The following SNED1 variants were observed in gnomAD, a reference collection of about 807,000 sequenced individuals.
SNED1 encodes sushi, nidogen and EGF-like domain-containing protein 1.
Under a neutral mutation model 166.7 loss-of-function variants are expected in SNED1, and 81 were observed. The ratio of observed to expected loss-of-function variants is 0.49; its 90% CI spans 0.41 to 0.58. The LOEUF is 0.58. Ranked by LOEUF, SNED1 falls within the 20% of genes least tolerant of loss-of-function variation. SNED1 has a pLI of 0.00. For missense variants in SNED1, 1,604 were observed against 2,000.2 expected (o/e 0.80, Z 3.78); for synonymous variants, 762 against 822.0 (o/e 0.93, Z 1.25).
chr2:241,042,843 GAA>G (rs1160123813), intron 8 of SNED1, among the ~76,000 whole-genome samples: 1 of 152,182 alleles, frequency 6.6e-6, no homozygotes, highest in Non-Finnish European at 1.5e-5. Flanking sequence ...AAAAGAAAAA[GAA>G]GAGATCTTCA....
chr2:241,039,952 G>A, intron 6 of SNED1, 123 bp from the exon 7 acceptor site: 1 of 771,930 alleles, frequency 1.3e-6, no homozygotes, highest in Admixed American at 2.4e-5. Flanking sequence ...AAACCTGCCT[G>A]CCAGGCCCCC....
chr2:241,069,866 G>A lies in SNED1; in HGVS notation c.3308-54G>A. Reference sequence around the variant, plus strand: ...TGTCCGGTTCTCAAACCGTGTTCTTGCCAGAAGACCCTGTGGGCACCCCCT... The same window carrying A: ...TGTCCGGTTCTCAAACCGTGTTCTTACCAGAAGACCCTGTGGGCACCCCCT... On this transcript the variant is annotated intron_variant, in intron 23 of 31. Coordinates refer to ENST00000310397, the MANE Select transcript of SNED1 (RefSeq NM_001080437.3). The surrounding 1 kb of genome is among the most constrained non-coding windows in gnomAD (Gnocchi z 4.9). The A allele has an allele frequency of 1.3e-6, 2 of 1,576,382 alleles. No homozygotes were observed. The highest frequency in any genetic ancestry group is 1.7e-6 in the Non-Finnish European group (2 of 1,161,786).
At chr2:241,048,464 C>T in intron 9 of SNED1, 24 bp downstream of exon 9, 1 of 1,577,948 alleles carries the variant, frequency 6.3e-7, no homozygotes, top group Admixed American at 1.8e-5. Context: ...GCAAGGGCTG[C>T]CGTTTTAGGG....
intron 31 of SNED1, chr2:241,090,566 C>G: frequency 4.1e-6 from 5 of 1,228,084 alleles, no homozygotes; most frequent in Non-Finnish European, 5.4e-6. Flanking sequence ...CAGGGCAGTG[C>G]AGTAGGTTTG....
chr2:241,019,119 G>A (rs1293547554), intron 1 of SNED1, among the ~76,000 whole-genome samples: 5 of 151,274 alleles, frequency 3.3e-5, no homozygotes, highest in Non-Finnish European at 5.9e-5. Flanking sequence ...TGTGGACCAG[G>A]AGCACATGCC....
Position 241,082,328 on chromosome 2 carries a change from C to A in SNED1, c.4085C>A (p.Ala1362Asp). 6.2e-7 allele frequency: 1 copy of A among 1,613,670 alleles called. No homozygotes were observed. The highest frequency in any genetic ancestry group is 8.5e-7 in the Non-Finnish European group (1 of 1,179,614). The change falls in exon 29 of 32, where the codon GCC (alanine) becomes GAC (aspartate). Residue 1362 changes from alanine (A) to aspartate (D), a missense_variant. Ala to Asp is a moderately radical substitution (Grantham distance 126). Around this residue, in one of 2 missense-constraint regions of SNED1, gnomAD observed 367 missense variants for 379.4 expected, o/e 0.97. Coordinates refer to ENST00000310397, the MANE Select transcript of SNED1 (RefSeq NM_001080437.3). ...PCTRLFSETK[A>D]FPVWEGGVCH... Reference sequence around the variant, plus strand: ...ACAAGGCTGTTCTCCGAGACAAAGGCCTTTCCAGTCTGGGAGGGAGGCGTC... The same window carrying A: ...ACAAGGCTGTTCTCCGAGACAAAGGACTTTCCAGTCTGGGAGGGAGGCGTC...
At chr2:241,056,612 G>A (rs1159955712) in intron 16 of SNED1, among the ~76,000 whole-genome samples, 2 of 101,668 alleles carry the variant, frequency 2.0e-5, no homozygotes, top group Non-Finnish European at 3.7e-5. Flanking sequence ...ACGGAGTCTC[G>A]CTCTGTCTTC....
chr2:241,036,878 C>T lies in SNED1; in HGVS notation c.894C>T (p.Ser298=). Residue 298 remains serine, a synonymous_variant, in exon 5 of 32, where the codon TCC becomes TCT. Transcript: ENST00000310397. ...CGGGCAACCCCTCCTACACCTGCTC[C>T]TGCCTCTCGGGCTTCACGGGGCGGA... ...CVTGNPSYTC[S]CLSGFTGRRC... The T allele has an allele frequency of 6.2e-7, 1 of 1,611,866 alleles. No homozygotes were observed. The highest frequency in any genetic ancestry group is 1.3e-5 in the African/African-American group (1 of 75,050).
intron 1 of SNED1, among the ~76,000 whole-genome samples, chr2:241,021,989 A>T (rs2060788263): frequency 6.6e-6 from 1 of 152,200 alleles, no homozygotes; most frequent in Non-Finnish European, 1.5e-5. Context: ...TTGTGTTTTC[A>T]ATCTGCATCT....
chr2:241,066,067 C>T (rs1403087426), intron 21 of SNED1, among the ~76,000 whole-genome samples: 1 of 152,100 alleles, frequency 6.6e-6, no homozygotes, highest in Non-Finnish European at 1.5e-5. Flanking sequence ...ATCGGTGGCT[C>T]AATCGGGAAG....
rs983715306 is a variant in SNED1, at chr2:241,073,836, T to C, written c.3916+472T>C. On this transcript the variant is annotated intron_variant, in intron 27 of 31. Coordinates refer to ENST00000310397, the MANE Select transcript of SNED1 (RefSeq NM_001080437.3). This position sits in a 1 kb window ranked among gnomAD's most constrained non-coding sequence, Gnocchi z 6.6. ...CACTCAGGTTATGCAGGACCTGAAC[T>C]GTCTCCTAGTCCGGGGCTCTGCCTC... The C allele has an allele frequency of 2.8e-5, 6 of 211,602 alleles. No individual in the cohort carries two copies. The highest frequency in any genetic ancestry group is 1.4e-4 in the African/African-American group (6 of 43,954). 13.1% of individuals were successfully genotyped at this position (211,602 alleles called of 1,614,324 possible). A position where few individuals can be genotyped will look rare whatever the true frequency, so the allele number is the denominator to read the frequency against.
chr2:241,089,377 A>C lies in SNED1; in HGVS notation c.*1+975A>C, dbSNP rs997253567. On this transcript the variant is annotated intron_variant, in intron 31 of 31. Transcript: ENST00000310397. ...GTTTTGTTACGTGCCTAAAAAAATA[A>C]AGGAGAAATGTCATTCAGGAACCTT... is the stretch of plus-strand genomic sequence containing the variant. 7.1e-6 allele frequency: 11 copies of C among 1,550,600 alleles called. No individual in the cohort carries two copies. In the Admixed American group the frequency reaches 2.2e-4, roughly 30 times the overall value.
chr2:241,079,657 TAAAAA>T (rs1391182095), intron 27 of SNED1, among the ~76,000 whole-genome samples: 1 of 151,920 alleles, frequency 6.6e-6, no homozygotes, highest in Admixed American at 6.6e-5. Flanking sequence ...TTAAAAACAA[TAAAAA>T]GAAAAGGCAA....
chr2:241,084,986 C>T (rs1172337368), intron 29 of SNED1, among the ~76,000 whole-genome samples: 1 of 152,126 alleles, frequency 6.6e-6, no homozygotes, highest in African/African-American at 2.4e-5. Flanking sequence ...GACAAGAAGA[C>T]TGCAGTCATT....
intron 1 of SNED1, among the ~76,000 whole-genome samples, chr2:241,027,136 AG>A (rs2060994335): frequency 1.3e-5 from 2 of 151,716 alleles, no homozygotes; most frequent in South Asian, 4.1e-4. Flanking sequence ...TCTGGAGTGC[AG>A]TGGCATGATC....
At position 241,063,669 on chromosome 2, in the gene SNED1, T is replaced by C; in HGVS notation, c.2454T>C (p.Pro818=). ...NLPGAYVCRC[P]AGFVGVHCET... ...CAGGGGCCTATGTCTGCCGGTGCCC[T>C]GCAGGCTTCGTTGGAGTCCACTGTG... is the stretch of plus-strand genomic sequence containing the variant. The change falls in exon 18 of 32, where the codon CCT becomes CCC. Residue 818 remains proline, a synonymous_variant. Transcript: ENST00000310397. The C allele has an allele frequency of 1.2e-6, 2 of 1,611,524 alleles. No homozygotes were observed. The highest frequency in any genetic ancestry group is 1.7e-6 in the Non-Finnish European group (2 of 1,178,838).
chr2:241,031,034 T>C (rs1274792530), intron 2 of SNED1, among the ~76,000 whole-genome samples: 2 of 152,202 alleles, frequency 1.3e-5, no homozygotes, highest in Non-Finnish European at 2.9e-5. Context: ...ATGTATTTAC[T>C]CAGCACCTAC....
chr2:241,087,983 G>A (rs550602604), intron 30 of SNED1: 9 of 396,196 alleles, frequency 2.3e-5, no homozygotes, highest in African/African-American at 4.1e-5. Context: ...GTAGCCACAC[G>A]TACTTGTTTG....
At chr2:241,077,842 C>T (rs1327083104) in intron 27 of SNED1, among the ~76,000 whole-genome samples, 2 of 152,092 alleles carry the variant, frequency 1.3e-5, no homozygotes, top group East Asian at 1.9e-4. Context: ...TTGGTGAGGA[C>T]GTGGAGAGAT....
Sources: gnomAD v4.1 joint callset for allele counts (sites outside exome capture counted in the v4.1 genomes callset) on GRCh38, gnomAD v4.1.1 for gene constraint, gnomAD v4.1.1 regional missense constraint, Gnocchi (gnomAD v3.1) non-coding constraint, MANE v1.5 for transcripts, NCBI Gene and HGNC (gene_info 2026-07-23, HGNC 2026-07-21) for gene names.